The following SGCZ variants were observed in gnomAD, a reference collection of about 807,000 sequenced individuals.
SGCZ encodes zeta-sarcoglycan.
Under a neutral mutation model 41.3 loss-of-function variants are expected in SGCZ, and 40 were observed. That is an observed-to-expected ratio of 0.97 (90% confidence interval 0.75 to 1.26). The LOEUF (loss-of-function observed/expected upper bound fraction) is 1.26. Ranked by LOEUF, SGCZ falls within the 50% of genes most tolerant of loss-of-function variation. The pLI, the probability that SGCZ is intolerant of heterozygous loss-of-function variation, is 0.00. For synonymous variants in SGCZ, 206 were observed against 137.5 expected (o/e 1.50, Z -3.49); for missense variants, 552 against 369.8 (o/e 1.49, Z -4.04).
At chr8:14,322,200 C>T (rs1459778299) in intron 3 of SGCZ, among the ~76,000 whole-genome samples, 3 of 152,108 alleles carry the variant, frequency 2.0e-5, no homozygotes, top group East Asian at 3.9e-4. Flanking sequence ...TATTTCTGTT[C>T]TTGCACCAGA....
chr8:15,086,894 T>G (rs551446190), intron 1 of SGCZ, among the ~76,000 whole-genome samples: 3 of 152,124 alleles, frequency 2.0e-5, no homozygotes, highest in Non-Finnish European at 4.4e-5. Context: ...ATATCTTACC[T>G]TGTACATTTC....
intron 1 of SGCZ, among the ~76,000 whole-genome samples, chr8:15,059,938 T>C (rs1804855884): frequency 6.6e-6 from 1 of 152,190 alleles, no homozygotes; most frequent in Non-Finnish European, 1.5e-5. Context: ...AGGCAATGTG[T>C]TCTGGCTCTG....
chr8:14,918,366 G>A (rs974741889), intron 1 of SGCZ, among the ~76,000 whole-genome samples: 1 of 151,494 alleles, frequency 6.6e-6, no homozygotes, highest in Non-Finnish European at 1.5e-5. Context: ...GAAGCACATG[G>A]ATTAAACACA....
chr8:14,551,524 A>AATATATATTATATATATAATATATATAAT (rs1803836453), intron 2 of SGCZ, among the ~76,000 whole-genome samples: 1 of 9,926 alleles, frequency 1.0e-4, no homozygotes, highest in Non-Finnish European at 1.6e-4. Flanking sequence ...TATTATATAT[A>AATATATATTATATATATAATATATATAAT]ATATATATAA....
chr8:14,473,154 T>A (rs1237967249), intron 2 of SGCZ, among the ~76,000 whole-genome samples: 1 of 152,138 alleles, frequency 6.6e-6, no homozygotes, highest in Non-Finnish European at 1.5e-5. Flanking sequence ...TATAATAAAA[T>A]TCACACCTGT....
intron 1 of SGCZ, among the ~76,000 whole-genome samples, chr8:14,781,971 TA>T (rs1314683916): frequency 6.6e-6 from 1 of 152,194 alleles, no homozygotes; most frequent in East Asian, 1.9e-4. Flanking sequence ...TGCAACATCA[TA>T]AAGTCAAAAA....
chr8:14,243,950 T>C (rs933026943), intron 3 of SGCZ, among the ~76,000 whole-genome samples: 2 of 152,296 alleles, frequency 1.3e-5, no homozygotes, highest in East Asian at 3.9e-4. Context: ...ATGCTGTCAA[T>C]TAGTTTTTCT....
At position 14,086,079 on chromosome 8, in the gene SGCZ, A is replaced by T. The variant is rs1351028494; in HGVS notation, c.*4364T>A. Among the ~76,000 whole-genome samples the T allele has an allele frequency of 6.6e-6, 1 of 151,748 alleles. No individual in the cohort carries two copies. The highest frequency in any genetic ancestry group is 1.5e-5 in the Non-Finnish European group (1 of 67,774). ...ATTTTGTAGTGTTCATTACTGTAAT[A>T]TACACCAGTACATAGAGCAAATAAT... On this transcript the variant is annotated 3_prime_UTR_variant, in exon 8 of 8. Transcript: ENST00000382080.
At chr8:14,953,371 G>T (rs1245174120) in intron 1 of SGCZ, among the ~76,000 whole-genome samples, 1 of 152,240 alleles carries the variant, frequency 6.6e-6, no homozygotes, top group Non-Finnish European at 1.5e-5. Flanking sequence ...CAGCAAGGGG[G>T]AAATCTGCCC....
chr8:14,181,922 T>G (rs1474028126), intron 4 of SGCZ, among the ~76,000 whole-genome samples: 1 of 152,202 alleles, frequency 6.6e-6, no homozygotes, highest in African/African-American at 2.4e-5. Flanking sequence ...CTTAAATTAT[T>G]TGTTAACTCA....
Position 14,108,255 on chromosome 8 carries a change from A to G in SGCZ, c.548-20T>C. The G allele has an allele frequency of 3.7e-6, 6 of 1,611,908 alleles. No homozygotes were observed. The highest frequency in any genetic ancestry group is 5.1e-6 in the Non-Finnish European group (6 of 1,178,058). The stretch of plus-strand genomic sequence containing the variant: ...CAGTGCCTGGGGGTAGCATGAATAT[A>G]GCAGTCAGTATAAGCAAGTCCACAC... On this transcript the variant is annotated intron_variant, in intron 5 of 7. Transcript: ENST00000382080.
At chr8:14,645,116 G>C (rs990566811) in intron 1 of SGCZ, among the ~76,000 whole-genome samples, 1 of 151,458 alleles carries the variant, frequency 6.6e-6, no homozygotes, top group African/African-American at 2.4e-5. Context: ...GAAAACCATT[G>C]ATCTATCATT....
intron 1 of SGCZ, among the ~76,000 whole-genome samples, chr8:15,019,479 G>A (rs559368585): frequency 5.5e-4 from 84 of 152,212 alleles, no homozygotes; most frequent in African/African-American, 2.0e-3. Context: ...TTCAGCCCCA[G>A]CACTCCTTTC....
chr8:14,672,919 T>C (rs1808150814), intron 1 of SGCZ, among the ~76,000 whole-genome samples: 1 of 152,186 alleles, frequency 6.6e-6, no homozygotes, highest in African/African-American at 2.4e-5. Flanking sequence ...ATGCTGCAAC[T>C]ACTCATCTCT....
chr8:15,144,406 G>C (rs1798977319), intron 1 of SGCZ, among the ~76,000 whole-genome samples: 1 of 150,984 alleles, frequency 6.6e-6, no homozygotes, highest in Admixed American at 6.6e-5. Context: ...TTTAATGAAG[G>C]CTTTTCATGC....
intron 1 of SGCZ, among the ~76,000 whole-genome samples, chr8:14,752,360 C>A (rs535929341): frequency 6.6e-6 from 1 of 152,258 alleles, no homozygotes; most frequent in Admixed American, 6.5e-5. Flanking sequence ...TTGATCACAT[C>A]TCTGCAAAGC....
chr8:14,651,917 T>A (rs1419106880), intron 1 of SGCZ, among the ~76,000 whole-genome samples: 1 of 151,716 alleles, frequency 6.6e-6, no homozygotes, highest in Non-Finnish European at 1.5e-5. Flanking sequence ...AAAAAGTATA[T>A]CTTTGTGCTA....
At chr8:14,776,315 C>A (rs118184274) in intron 1 of SGCZ, among the ~76,000 whole-genome samples, 27 of 152,002 alleles carry the variant, frequency 1.8e-4, no homozygotes, top group African/African-American at 6.5e-4. Flanking sequence ...AATGAGTAAG[C>A]CTCATGAGAT....
rs566132146 is a variant in SGCZ at position 14,944,236 on chromosome 8, T to C, written c.39+293349A>G. ...CTGCTACAGTTCTTGGTAGATCTCT[T>C]AAGCACATTTTAGTCCTCAGTTTTA... On this transcript the variant is annotated intron_variant, in intron 1 of 7. Coordinates refer to ENST00000382080, the MANE Select transcript of SGCZ (RefSeq NM_139167.4). Among the ~76,000 whole-genome samples, 27 of 152,270 alleles carry C rather than the reference T, an allele frequency of 1.8e-4. 1 individual carries two copies. In the South Asian group the frequency reaches 3.3e-3, roughly 19 times the overall value.
Sources: gnomAD v4.1 joint callset for allele counts (sites outside exome capture counted in the v4.1 genomes callset) on GRCh38, gnomAD v4.1.1 for gene constraint, MANE v1.5 for transcripts, NCBI Gene and HGNC (gene_info 2026-07-23, HGNC 2026-07-21) for gene names.